The following ABL1 variants were observed in gnomAD, a reference collection of about 807,000 sequenced individuals.
ABL1 encodes tyrosine-protein kinase ABL1.
A neutral mutation model predicts 94.7 loss-of-function variants in ABL1; 11 were observed. The ratio of observed to expected loss-of-function variants is 0.12; its 90% CI spans 0.07 to 0.19. The LOEUF (loss-of-function observed/expected upper bound fraction) is 0.19, where lower values mean the gene tolerates loss of function less well. Among genes scored for constraint, ABL1 ranks in the 10% least tolerant of loss-of-function variants. ABL1 has a pLI of 1.00. For synonymous variants in ABL1, 656 were observed against 622.4 expected, an observed-to-expected ratio of 1.05 and a Z score of -0.80; for missense variants, 1,082 against 1,489.4, an observed-to-expected ratio of 0.73 and a Z score of 4.50.
chr9:130,741,985 CCTT>C (rs1162072448), intron 1 of ABL1, among the ~76,000 whole-genome samples: 2 of 152,138 alleles, frequency 1.3e-5, no homozygotes, highest in Admixed American at 1.3e-4. Flanking sequence ...CTGGCCCAGA[CCTT>C]CTCAGACAGG....
At chr9:130,866,805 C>T (rs781375332) in intron 4 of ABL1, among the ~76,000 whole-genome samples, 1 of 152,126 alleles carries the variant, frequency 6.6e-6, no homozygotes, top group Admixed American at 6.5e-5. Context: ...AAAGGGAGGA[C>T]GTGCTTAAGA....
chr9:130,743,012 GT>G (rs946786139), intron 1 of ABL1, among the ~76,000 whole-genome samples: 1 of 151,988 alleles, frequency 6.6e-6, no homozygotes, highest in Non-Finnish European at 1.5e-5. Flanking sequence ...TTGCTTCACC[GT>G]TTTTTTAAAA....
intron 1 of ABL1, among the ~76,000 whole-genome samples, chr9:130,757,196 C>T (rs541347720): frequency 3.9e-4 from 60 of 152,316 alleles, no homozygotes; most frequent in Non-Finnish European, 7.8e-4. Flanking sequence ...TCAGCCCACT[C>T]GGGAAGAGCT....
At chr9:130,804,269 A>G (rs7858778) in intron 1 of ABL1, among the ~76,000 whole-genome samples, 37,720 of 151,846 alleles carry the variant, frequency 0.25, 6,124 homozygotes, top group African/African-American at 0.47. Context: ...TGAGGCAGAA[A>G]AACGGCGTGA....
At chr9:130,870,619 C>T (rs1564318101) in intron 4 of ABL1, among the ~76,000 whole-genome samples, 1 of 152,182 alleles carries the variant, frequency 6.6e-6, no homozygotes, top group Non-Finnish European at 1.5e-5. Flanking sequence ...ACAGCATGGT[C>T]TGCTGAGCAC....
intron 1 of ABL1, among the ~76,000 whole-genome samples, chr9:130,848,365 A>AT: frequency 6.7e-6 from 1 of 149,664 alleles, no homozygotes; most frequent in Admixed American, 6.7e-5. Context: ...AAAAAAAAAA[A>AT]AACTTAGCCA....
intron 1 of ABL1, among the ~76,000 whole-genome samples, chr9:130,752,661 A>C (rs1831980632): frequency 6.6e-6 from 1 of 152,254 alleles, no homozygotes; most frequent in South Asian, 2.1e-4. Context: ...CATCTCTGTT[A>C]AGAATACCCC....
chr9:130,801,363 G>A (rs987899708), intron 1 of ABL1, among the ~76,000 whole-genome samples: 2 of 152,146 alleles, frequency 1.3e-5, no homozygotes, highest in Admixed American at 6.5e-5. Flanking sequence ...GAGCAGCTGG[G>A]ACTACAGGTG....
intron 4 of ABL1, among the ~76,000 whole-genome samples, chr9:130,866,643 A>G (rs919871111): frequency 1.3e-5 from 2 of 152,190 alleles, no homozygotes; most frequent in Non-Finnish European, 2.9e-5. Context: ...CCTTCCAGGC[A>G]GAAGGAAGAC....
chr9:130,869,496 C>T (rs957393461), intron 4 of ABL1, among the ~76,000 whole-genome samples: 1 of 152,114 alleles, frequency 6.6e-6, no homozygotes. Flanking sequence ...CAGTATAATC[C>T]ACAAGTCATT....
chr9:130,738,417 G>A (rs1831772851), intron 1 of ABL1, among the ~76,000 whole-genome samples: 1 of 152,146 alleles, frequency 6.6e-6, no homozygotes, highest in Non-Finnish European at 1.5e-5. Context: ...TAGCAATCCG[G>A]AGTTTATATT....
chr9:130,871,396 G>A (rs1831249958), intron 4 of ABL1, among the ~76,000 whole-genome samples: 2 of 152,162 alleles, frequency 1.3e-5, no homozygotes, highest in Non-Finnish European at 2.9e-5. Flanking sequence ...GTCTGTCCCG[G>A]GCCCATGCTC....
At chr9:130,883,880 G>A (rs1326060549) in intron 10 of ABL1, 89 bp from the exon 11 acceptor site, 21 of 1,471,842 alleles carry the variant, frequency 1.4e-5, no homozygotes, top group Non-Finnish European at 1.9e-5. Flanking sequence ...GAGTGCAGCA[G>A]TGGCACTCTG....
chr9:130,776,532 G>A (rs2855174), intron 1 of ABL1, among the ~76,000 whole-genome samples: 64,903 of 151,104 alleles, frequency 0.43, 14,329 homozygotes, highest in Middle Eastern at 0.52. Flanking sequence ...ACCAGAGATC[G>A]TGCTACTGTA....
intron 4 of ABL1, among the ~76,000 whole-genome samples, chr9:130,870,742 G>A (rs1002422245): frequency 4.6e-5 from 7 of 152,196 alleles, no homozygotes; most frequent in Non-Finnish European, 4.4e-5. Context: ...AGGTTTAATT[G>A]ACATTAAGAG....
At chr9:130,748,005 G>A (rs182796043) in intron 1 of ABL1, among the ~76,000 whole-genome samples, 56 of 152,254 alleles carry the variant, frequency 3.7e-4, no homozygotes, top group African/African-American at 1.3e-3. Flanking sequence ...GTCATTTCAC[G>A]TTCCTACCAG....
At chr9:130,810,450 C>T (rs1025330208) in intron 1 of ABL1, among the ~76,000 whole-genome samples, 2 of 151,996 alleles carry the variant, frequency 1.3e-5, no homozygotes, top group South Asian at 2.1e-4. Context: ...AAGCCAAGAT[C>T]GTACCACTGC....
chr9:130,799,077 C>T (rs1394690891), intron 1 of ABL1, among the ~76,000 whole-genome samples: 4 of 151,762 alleles, frequency 2.6e-5, no homozygotes, highest in Admixed American at 6.6e-5. Flanking sequence ...TTCAGAAGAG[C>T]ACTTTGCTTT....
intron 1 of ABL1, among the ~76,000 whole-genome samples, chr9:130,761,367 A>G (rs1344067111): frequency 6.6e-6 from 1 of 152,032 alleles, no homozygotes; most frequent in Non-Finnish European, 1.5e-5. Context: ...TTTTCTCCTC[A>G]TGATAAGGAC....
Sources: allele counts gnomAD v4.1 joint callset (sites outside exome capture counted in the v4.1 genomes callset), GRCh38; gene constraint gnomAD v4.1.1; transcripts MANE v1.5; gene names NCBI Gene and HGNC (gene_info 2026-07-23, HGNC 2026-07-21).